MAP2K2: variants seen among roughly 807,000 people sequenced by gnomAD.
The protein encoded by MAP2K2 is mitogen-activated protein kinase kinase 2.
MAP2K2 carries 24 observed loss-of-function variants against 43.7 expected under a neutral mutation model. The ratio of observed to expected loss-of-function variants is 0.55; its 90% CI spans 0.40 to 0.77. The LOEUF is 0.77. MAP2K2 is among the 30% of genes least tolerant of loss of function. MAP2K2 has a pLI of 0.00. For synonymous variants in MAP2K2, 244 were observed against 239.7 expected, an observed-to-expected ratio of 1.02 and a Z score of -0.17; for missense variants, 470 against 566.8, an observed-to-expected ratio of 0.83 and a Z score of 1.73.
rs947424418 is a variant in MAP2K2 at position 4,110,715 on chromosome 19, T to G, written c.304-60A>C. 6 of 1,574,272 alleles carry G rather than the reference T, an allele frequency of 3.8e-6. No homozygotes were observed. In the East Asian group the frequency reaches 9.0e-5, roughly 24 times the overall value. On this transcript the variant is annotated intron_variant, in intron 2 of 10. Coordinates refer to ENST00000262948, the MANE Select transcript of MAP2K2 (RefSeq NM_030662.4). ...GTGCCCGAAAACGGGATGAAGGCAT[T>G]TGGGGCCTCTGCTCTGCAGGCGTTC...
At position 4,101,448 on chromosome 19, in the gene MAP2K2, G is replaced by T. The variant is rs1370232734; in HGVS notation, c.529-168C>A. 1.3e-5 allele frequency among the ~76,000 whole-genome samples: 2 copies of T among 152,190 alleles called. No homozygotes were observed. Among genetic ancestry groups the T allele is most frequent in the South Asian group, 2.1e-4 (1 of 4,834 alleles). On this transcript the variant is annotated intron_variant, in intron 4 of 10. Coordinates refer to ENST00000262948, the MANE Select transcript of MAP2K2 (RefSeq NM_030662.4). This position sits in a 1 kb window ranked among gnomAD's most constrained non-coding sequence, Gnocchi z 6.3. ...GGGTGGAGCAAGCGAGGCCAGAGAC[G>T]AGACAGTGCTGACAGCCCTGTGCTG...
At chr19:4,108,386 A>G (rs1035491487) in intron 3 of MAP2K2, among the ~76,000 whole-genome samples, 4 of 147,296 alleles carry the variant, frequency 2.7e-5, no homozygotes, top group Admixed American at 2.0e-4. Flanking sequence ...GACTACAGGC[A>G]CCCGCCACCA....
chr19:4,094,205 G>A (rs577133053), intron 10 of MAP2K2, among the ~76,000 whole-genome samples: 80 of 152,270 alleles, frequency 5.3e-4, no homozygotes, highest in Admixed American at 4.7e-3. Flanking sequence ...AGGAGCGGCG[G>A]AGCTCAGAGC....
Position 4,115,265 on chromosome 19 carries a change from C to A in MAP2K2, c.303+2154G>T, listed in dbSNP as rs1165902688. 6.6e-6 allele frequency among the ~76,000 whole-genome samples: 1 copy of A among 152,132 alleles called. No homozygotes were observed. The highest frequency in any genetic ancestry group is 1.5e-5 in the Non-Finnish European group (1 of 68,020). On this transcript the variant is annotated intron_variant, in intron 2 of 10. Coordinates refer to ENST00000262948, the MANE Select transcript of MAP2K2 (RefSeq NM_030662.4). The surrounding 1 kb of genome is among the most constrained non-coding windows in gnomAD (Gnocchi z 4.1). ...ACAGAACCTGCCCAGCCACGCCTGCCCTCAGGTTCAAAGGCCCCGATCTCC... is the reference window on the plus strand; with the variant it reads ...ACAGAACCTGCCCAGCCACGCCTGCACTCAGGTTCAAAGGCCCCGATCTCC...
chr19:4,112,447 G>A (rs963954877), intron 2 of MAP2K2, among the ~76,000 whole-genome samples: 2 of 152,226 alleles, frequency 1.3e-5, no homozygotes, highest in African/African-American at 4.8e-5. Context: ...CTGTCAGCGG[G>A]CACGGAGGCA....
At chr19:4,112,480 A>C (rs350898) in intron 2 of MAP2K2, among the ~76,000 whole-genome samples, 1 of 152,076 alleles carries the variant, frequency 6.6e-6, no homozygotes, top group African/African-American at 2.4e-5. Flanking sequence ...CGCTGTGTTC[A>C]GGGCAGCAGG....
intron 10 of MAP2K2, among the ~76,000 whole-genome samples, chr19:4,093,615 G>T (rs2040875935): frequency 6.6e-6 from 1 of 152,092 alleles, no homozygotes; most frequent in Non-Finnish European, 1.5e-5. Context: ...TGTGAGCCTG[G>T]GAGGCTGAGA....
In MAP2K2 at chr19:4,102,672, GT is replaced by G. The variant is rs2041031290; in HGVS notation, c.451-220del. 116 of 1,048,070 alleles carry G rather than the reference GT, an allele frequency of 1.1e-4. 2 individuals carry two copies. The South Asian group carries it at 1.8e-3, about 16-fold the overall frequency. The allele number at this position is 1,048,070 out of a possible 1,614,324, so 64.9% of individuals were successfully genotyped here. On this transcript the variant is annotated intron_variant, in intron 3 of 10. Transcript: ENST00000262948. The stretch of plus-strand genomic sequence containing the variant: ...AGGTGGGGAAGGAACAGGGCCCAGG[GT>G]TCCCCCGCCTCCCGTCCCATCCTCG...
At chr19:4,095,044 A>C in intron 9 of MAP2K2, 1 of 372,072 alleles carries the variant, frequency 2.7e-6, no homozygotes, top group South Asian at 3.6e-5. Context: ...ACCCTCCCAG[A>C]ACCTGCGGGC....
intron 3 of MAP2K2, among the ~76,000 whole-genome samples, chr19:4,108,472 A>C (rs969359212): frequency 2.0e-5 from 3 of 150,894 alleles, no homozygotes; most frequent in Admixed American, 2.0e-4. Context: ...GCCAAGCCAG[A>C]ATAGTCTCGA....
chr19:4,120,391 G>A (rs2041277562), intron 1 of MAP2K2, among the ~76,000 whole-genome samples: 1 of 152,226 alleles, frequency 6.6e-6, no homozygotes, highest in Non-Finnish European at 1.5e-5. Context: ...TCAGCTCACT[G>A]CAACCTCTGC....
At position 4,095,355 on chromosome 19, in the gene MAP2K2, G is replaced by C. The variant is rs201128231; in HGVS notation, c.1046+33C>G. On this transcript the variant is annotated intron_variant, in intron 9 of 10. Coordinates refer to ENST00000262948, the MANE Select transcript of MAP2K2 (RefSeq NM_030662.4). ...GGAAGGAGTGGCACATCTGGGTCCC[G>C]GCCAGGGGTGTGGGCAGCCCGGCTC... The C allele has an allele frequency of 4.4e-4, 675 of 1,547,662 alleles. 1 individual carries two copies. The highest frequency in any genetic ancestry group is 4.3e-4 in the Non-Finnish European group (497 of 1,144,436).
At chr19:4,112,518 G>C (rs959025648) in intron 2 of MAP2K2, among the ~76,000 whole-genome samples, 1 of 152,194 alleles carries the variant, frequency 6.6e-6, no homozygotes, top group African/African-American at 2.4e-5. Flanking sequence ...AGCACAGGGC[G>C]TGTGTGGGGA....
rs2041215396 is a variant in MAP2K2, at chr19:4,115,976, C to T, written c.303+1443G>A. Among the ~76,000 whole-genome samples, 1 of 152,188 alleles carries T rather than the reference C, an allele frequency of 6.6e-6. No individual in the cohort carries two copies. The highest frequency in any genetic ancestry group is 1.5e-5 in the Non-Finnish European group (1 of 68,032). On this transcript the variant is annotated intron_variant, in intron 2 of 10. Transcript: ENST00000262948. The surrounding 1 kb of genome is among the most constrained non-coding windows in gnomAD (Gnocchi z 4.1). ...TCTCAAACACAGAGCACAGAGGCTG[C>T]ATCATGGCCCAGGAGCCCGGGATGA...
In MAP2K2 at chr19:4,123,914, G is replaced by A. The variant is rs2145090244; in HGVS notation, c.-39C>T. On this transcript the variant is annotated 5_prime_UTR_variant, in exon 1 of 11. Coordinates refer to ENST00000262948, the MANE Select transcript of MAP2K2 (RefSeq NM_030662.4). ...GCCGGCGGCGGCGGCGCCTCTAGCCGGGGCCCATAGGGGGCGGGCCGGGAG... is the reference window on the plus strand; with the variant it reads ...GCCGGCGGCGGCGGCGCCTCTAGCCAGGGCCCATAGGGGGCGGGCCGGGAG... The A allele has an allele frequency of 9.8e-6, 12 of 1,227,400 alleles. No individual in the cohort carries two copies. The highest frequency in any genetic ancestry group is 2.0e-5 in the South Asian group (1 of 49,508). 76.0% of individuals were successfully genotyped at this position (1,227,400 alleles called of 1,614,324 possible).
At chr19:4,099,165 C>A (rs774657862) in intron 7 of MAP2K2, 36 bp downstream of exon 7, 1 of 1,556,628 alleles carries the variant, frequency 6.4e-7, no homozygotes, top group South Asian at 1.2e-5. Context: ...CAGGGCACTG[C>A]GCGTCCAGAC....
intron 2 of MAP2K2, among the ~76,000 whole-genome samples, chr19:4,111,466 G>A (rs1203721466): frequency 6.6e-6 from 1 of 152,122 alleles, no homozygotes; most frequent in Non-Finnish European, 1.5e-5. Context: ...TCTCCACTTG[G>A]GGTGGGTCTA....
intron 1 of MAP2K2, among the ~76,000 whole-genome samples, chr19:4,118,628 G>A (rs770929807): frequency 4.6e-5 from 7 of 152,094 alleles, no homozygotes; most frequent in Non-Finnish European, 1.0e-4. Flanking sequence ...AGCATGACCA[G>A]CCTGGGCAAC....
chr19:4,115,636 G>C lies in MAP2K2; in HGVS notation c.303+1783C>G, dbSNP rs1331729449. ...GCGGCTGCACACTTCAGGAGGGAGG[G>C]AGGGCAGCACTCTAGAGGCCAGAAG... is the stretch of plus-strand genomic sequence containing the variant. On this transcript the variant is annotated intron_variant, in intron 2 of 10. Coordinates refer to ENST00000262948, the MANE Select transcript of MAP2K2 (RefSeq NM_030662.4). This position sits in a 1 kb window ranked among gnomAD's most constrained non-coding sequence, Gnocchi z 4.1. 1.3e-5 allele frequency among the ~76,000 whole-genome samples: 2 copies of C among 152,186 alleles called. No individual in the cohort carries two copies. The highest frequency in any genetic ancestry group is 4.8e-5 in the African/African-American group (2 of 41,444).
Sources: allele counts gnomAD v4.1 joint callset (sites outside exome capture counted in the v4.1 genomes callset), GRCh38; gene constraint gnomAD v4.1.1; non-coding constraint Gnocchi (gnomAD v3.1); transcripts MANE v1.5; gene names NCBI Gene and HGNC (gene_info 2026-07-23, HGNC 2026-07-21).